Variants in ZNF804B observed in about 807,000 individuals in gnomAD.
ZNF804B encodes the protein zinc finger protein 804B.
A neutral mutation model predicts 101.4 loss-of-function variants in ZNF804B; 80 were observed. The ratio of observed to expected loss-of-function variants is 0.79; its 90% CI spans 0.66 to 0.95. ZNF804B has a LOEUF of 0.95. ZNF804B is among the 40% of genes least tolerant of loss of function. The probability of loss-of-function intolerance (pLI) is 0.00; values close to 1 mark genes in which losing one functional copy is unlikely to be tolerated. For synonymous variants in ZNF804B, 622 were observed against 558.8 expected (o/e 1.11, Z -1.59); for missense variants, 1,673 against 1,561.9 (o/e 1.07, Z -1.20).
At chr7:88,835,050 T>C (rs889247042) in intron 1 of ZNF804B, among the ~76,000 whole-genome samples, 3 of 151,880 alleles carry the variant, frequency 2.0e-5, no homozygotes, top group African/African-American at 7.2e-5. Flanking sequence ...GTAGTACTCA[T>C]TGTATTTTAA....
intron 1 of ZNF804B, among the ~76,000 whole-genome samples, chr7:89,055,089 G>GA (rs1789270557): frequency 6.6e-6 from 1 of 152,102 alleles, no homozygotes; most frequent in Admixed American, 6.6e-5. Flanking sequence ...GATGTTAAGT[G>GA]TTGACTTAGA....
intron 1 of ZNF804B, among the ~76,000 whole-genome samples, chr7:88,817,149 G>A (rs139227847): frequency 6.6e-6 from 1 of 152,166 alleles, no homozygotes; most frequent in African/African-American, 2.4e-5. Context: ...ACCAAGTACC[G>A]CATGTTCTCA....
intron 1 of ZNF804B, among the ~76,000 whole-genome samples, chr7:88,961,422 G>A (rs991515023): frequency 1.3e-5 from 2 of 151,330 alleles, no homozygotes; most frequent in African/African-American, 4.8e-5. Flanking sequence ...GCTAAATGAA[G>A]ATTGATTGCT....
In ZNF804B at chr7:89,260,957, A is replaced by ATCGTTTAGTG. The variant is rs1367763973; in HGVS notation, c.249+42662_249+42663insTCGTTTAGTG. On this transcript the variant is annotated intron_variant, in intron 2 of 3. Transcript: ENST00000333190. The stretch of plus-strand genomic sequence containing the variant: ...AAGGTTTATGGCATTTGCACTAAGC[A>ATCGTTTAGTG]CAATAAAAATATGAGAAAACCATGA... Among the ~76,000 whole-genome samples the ATCGTTTAGTG allele has an allele frequency of 3.7e-3, 567 of 152,296 alleles. 3 individuals carry two copies. Among genetic ancestry groups the ATCGTTTAGTG allele is most frequent in the African/African-American group, 0.013 (531 of 41,566 alleles).
chr7:88,906,363 C>G (rs1562828441), intron 1 of ZNF804B, among the ~76,000 whole-genome samples: 1 of 152,054 alleles, frequency 6.6e-6, no homozygotes, highest in African/African-American at 2.4e-5. Context: ...TGAGATCTTT[C>G]TAACTTCTTG....
At chr7:88,838,145 G>GC in intron 1 of ZNF804B, among the ~76,000 whole-genome samples, 1 of 151,664 alleles carries the variant, frequency 6.6e-6, no homozygotes, top group African/African-American at 2.4e-5. Context: ...TACAGATAAA[G>GC]CCAGTATTAT....
intron 2 of ZNF804B, among the ~76,000 whole-genome samples, chr7:89,243,937 A>G (rs1359015012): frequency 6.6e-6 from 1 of 151,978 alleles, no homozygotes; most frequent in Non-Finnish European, 1.5e-5. Context: ...AATACATAAG[A>G]TGTAAATTGG....
chr7:89,190,345 A>AT (rs1247856905), intron 1 of ZNF804B, among the ~76,000 whole-genome samples: 1 of 151,808 alleles, frequency 6.6e-6, no homozygotes, highest in African/African-American at 2.4e-5. Flanking sequence ...TAAAAAAAAA[A>AT]AAAAAGCAAG....
intron 1 of ZNF804B, among the ~76,000 whole-genome samples, chr7:88,829,646 A>G (rs1791102737): frequency 6.6e-6 from 1 of 152,134 alleles, no homozygotes; most frequent in South Asian, 2.1e-4. Flanking sequence ...AAAGAGAAGA[A>G]GTTGGAAGTG....
intron 1 of ZNF804B, among the ~76,000 whole-genome samples, chr7:89,145,912 T>C (rs1790784980): frequency 1.3e-5 from 2 of 152,080 alleles, no homozygotes; most frequent in African/African-American, 2.4e-5. Flanking sequence ...AGAGATTTTC[T>C]ATTTATTTTC....
intron 1 of ZNF804B, chr7:88,795,586 T>G (rs547597319): frequency 6.6e-6 from 1 of 152,280 alleles, no homozygotes; most frequent in South Asian, 2.1e-4. Flanking sequence ...ATTCTGCTAC[T>G]TTAACTTACT....
chr7:89,183,186 A>C (rs1316194882), intron 1 of ZNF804B, among the ~76,000 whole-genome samples: 1 of 152,066 alleles, frequency 6.6e-6, no homozygotes, highest in Non-Finnish European at 1.5e-5. Context: ...GCAGTGGAGA[A>C]AAAAAATGGG....
At chr7:88,877,043 ATATATATTTTTTTTT>A (rs1405713594) in intron 1 of ZNF804B, among the ~76,000 whole-genome samples, 1 of 41,808 alleles carries the variant, frequency 2.4e-5, no homozygotes, top group Non-Finnish European at 4.2e-5. Flanking sequence ...ATATATATAT[ATATATATTTTTTTTT>A]TTTTTTTTTT....
chr7:89,075,269 C>T (rs1789598834), intron 1 of ZNF804B, among the ~76,000 whole-genome samples: 1 of 152,110 alleles, frequency 6.6e-6, no homozygotes, highest in Admixed American at 6.5e-5. Context: ...CTACGGCAGC[C>T]CCTCCCATCA....
At chr7:88,818,556 G>A (rs906991133) in intron 1 of ZNF804B, among the ~76,000 whole-genome samples, 1 of 152,086 alleles carries the variant, frequency 6.6e-6, no homozygotes, top group South Asian at 2.1e-4. Flanking sequence ...CAAATATTTT[G>A]TATCATGGGG....
rs79030181 is a variant in ZNF804B at position 89,160,347 on chromosome 7, A to T, written c.109-57808A>T. Among the ~76,000 whole-genome samples, 14 of 152,262 alleles carry T rather than the reference A, an allele frequency of 9.2e-5. No individual in the cohort carries two copies. In the East Asian group the frequency reaches 2.7e-3, roughly 29 times the overall value. On this transcript the variant is annotated intron_variant, in intron 1 of 3. Coordinates refer to ENST00000333190, the MANE Select transcript of ZNF804B (RefSeq NM_181646.5). The stretch of plus-strand genomic sequence containing the variant: ...ATTTGACATGCTCAGGGATGTGGCG[A>T]TGAATAACCGTATGTGATGACACCT...
intron 2 of ZNF804B, among the ~76,000 whole-genome samples, chr7:89,257,582 A>T (rs1221101334): frequency 6.6e-6 from 1 of 152,032 alleles, no homozygotes; most frequent in Non-Finnish European, 1.5e-5. Context: ...TTAAATGAAT[A>T]ATTGGCATAT....
At chr7:89,206,225 G>A (rs917483423) in intron 1 of ZNF804B, among the ~76,000 whole-genome samples, 13 of 152,266 alleles carry the variant, frequency 8.5e-5, no homozygotes, top group African/African-American at 3.1e-4. Context: ...TGATGAGAGG[G>A]GCTGCCATGA....
At chr7:89,308,654 G>T (rs1790603001) in intron 2 of ZNF804B, among the ~76,000 whole-genome samples, 1 of 152,128 alleles carries the variant, frequency 6.6e-6, no homozygotes. Flanking sequence ...TACAAATGTG[G>T]AACTAACCAC....
Sources: allele counts gnomAD v4.1 joint callset (sites outside exome capture counted in the v4.1 genomes callset), GRCh38; gene constraint gnomAD v4.1.1; transcripts MANE v1.5; gene names NCBI Gene and HGNC (gene_info 2026-07-23, HGNC 2026-07-21).